The following PGR variants were observed in gnomAD, a reference collection of about 807,000 sequenced individuals.
PGR encodes the protein progesterone receptor.
In PGR, 25 loss-of-function variants were observed where a neutral mutation model predicts 76.1. That is an observed-to-expected ratio of 0.33 (90% CI 0.24 to 0.46). The LOEUF is 0.46. Ranked by LOEUF, PGR falls within the 20% of genes least tolerant of loss-of-function variation. The probability of loss-of-function intolerance (pLI) is 1.00; values close to 1 mark genes in which losing one functional copy is unlikely to be tolerated. For missense variants in PGR, 1,172 were observed against 1,225.3 expected, an observed-to-expected ratio of 0.96 and a Z score of 0.65; for synonymous variants, 579 against 535.0, an observed-to-expected ratio of 1.08 and a Z score of -1.14.
At chr11:101,096,204 T>G (rs532704882) in intron 2 of PGR, among the ~76,000 whole-genome samples, 8 of 152,274 alleles carry the variant, frequency 5.3e-5, no homozygotes, top group South Asian at 2.1e-4. Context: ...GGCACTGGCA[T>G]GAAGTCACGA....
intron 2 of PGR, among the ~76,000 whole-genome samples, chr11:101,110,769 G>C (rs1862320798): frequency 6.6e-6 from 1 of 152,128 alleles, no homozygotes; most frequent in Non-Finnish European, 1.5e-5. Flanking sequence ...TTTTGTGAAA[G>C]GAACAGTCTA....
At chr11:101,097,906 A>G (rs1037584940) in intron 2 of PGR, among the ~76,000 whole-genome samples, 1 of 151,294 alleles carries the variant, frequency 6.6e-6, no homozygotes, top group Non-Finnish European at 1.5e-5. Context: ...CCTCCCGAGT[A>G]GCTGGAACTA....
At position 101,129,103 on chromosome 11, in the gene PGR, C is replaced by G. The variant is rs758932726; in HGVS notation, c.-33G>C. ...GGACTCCCCTTTTCTCCTCCCCCGT[C>G]TCCAGGAGGAGGGAAAAGGGAAGGA... On this transcript the variant is annotated 5_prime_UTR_variant, in exon 1 of 8. Coordinates refer to ENST00000325455, the MANE Select transcript of PGR (RefSeq NM_000926.4). 1 of 1,318,040 alleles carries G rather than the reference C, an allele frequency of 7.6e-7. No individual in the cohort carries two copies. Among genetic ancestry groups the G allele is most frequent in the Non-Finnish European group, 9.6e-7 (1 of 1,036,290 alleles). The allele number at this position is 1,318,040 out of a possible 1,614,324, so 81.6% of individuals were successfully genotyped here. A position where few individuals can be genotyped will look rare whatever the true frequency, so the allele number is the denominator to read the frequency against.
chr11:101,129,039 G>C lies in PGR; in HGVS notation c.32C>G (p.Ala11Gly). The change falls in exon 1 of 8, where the codon GCT becomes GGT. Residue 11 changes from alanine to glycine, a missense_variant. Ala to Gly is a moderately conservative substitution (Grantham distance 60). Transcript: ENST00000325455. Reference sequence around the variant, plus strand: ...GGGCGGGCCGCCCGCCACGTGGGGAGCCCGGGGACCCTTTGCCTTCAGCTC... The same window carrying C: ...GGGCGGGCCGCCCGCCACGTGGGGACCCCGGGGACCCTTTGCCTTCAGCTC... MTELKAKGPR[A>G]PHVAGGPPSP... 1 of 1,564,288 alleles carries C rather than the reference G, an allele frequency of 6.4e-7. No homozygotes were observed. The highest frequency in any genetic ancestry group is 1.2e-5 in the South Asian group (1 of 84,938).
At chr11:101,079,447 A>T (rs549744000) in intron 3 of PGR, among the ~76,000 whole-genome samples, 1 of 152,320 alleles carries the variant, frequency 6.6e-6, no homozygotes, top group African/African-American at 2.4e-5. Context: ...TCCCATTTAA[A>T]AATAGGCAAA....
At chr11:101,054,079 T>G (rs1860202261) in intron 4 of PGR, among the ~76,000 whole-genome samples, 1 of 152,216 alleles carries the variant, frequency 6.6e-6, no homozygotes, top group African/African-American at 2.4e-5. Context: ...GGAGGATTTG[T>G]GATGCTTGCT....
chr11:101,072,902 T>C (rs1860991316), intron 3 of PGR, among the ~76,000 whole-genome samples: 1 of 152,110 alleles, frequency 6.6e-6, no homozygotes, highest in South Asian at 2.1e-4. Context: ...CTGTCAATAT[T>C]AGACAGATCA....
rs984765519 is a variant in PGR at position 101,035,102 on chromosome 11, A to T, written c.*4014T>A. 9.6e-6 allele frequency: 2 copies of T among 209,148 alleles called. No homozygotes were observed. The highest frequency in any genetic ancestry group is 4.5e-5 in the African/African-American group (2 of 44,016). 13.0% of individuals were successfully genotyped at this position (209,148 alleles called of 1,614,324 possible). On this transcript the variant is annotated 3_prime_UTR_variant, in exon 8 of 8. Coordinates refer to ENST00000325455, the MANE Select transcript of PGR (RefSeq NM_000926.4). ...AGAGATGTAGAAATTTCCCACATCC[A>T]ATGGCTATTGAACAGGCATACTTTG...
intron 3 of PGR, among the ~76,000 whole-genome samples, chr11:101,082,407 T>C (rs945729411): frequency 5.3e-5 from 8 of 152,258 alleles, no homozygotes; most frequent in African/African-American, 1.4e-4. Context: ...AACTGAGTAA[T>C]GGGCAGAGGT....
intron 7 of PGR, 35 bp from the exon 8 acceptor site, chr11:101,039,306 T>TA (rs750244985): frequency 9.5e-6 from 14 of 1,473,088 alleles, no homozygotes; most frequent in Non-Finnish European, 1.3e-5. Flanking sequence ...AAACATGTAA[T>TA]AAAAATAATA....
intron 3 of PGR, among the ~76,000 whole-genome samples, chr11:101,090,177 G>A (rs546912022): frequency 9.3e-5 from 14 of 150,964 alleles, no homozygotes; most frequent in Non-Finnish European, 1.9e-4. Flanking sequence ...CAGCCTGGGC[G>A]ACAGAGTGAG....
At chr11:101,096,120 A>G (rs560845858) in intron 2 of PGR, among the ~76,000 whole-genome samples, 3 of 152,196 alleles carry the variant, frequency 2.0e-5, no homozygotes, top group Non-Finnish European at 1.5e-5. Flanking sequence ...AATTCTTATA[A>G]GTTTGGAAGA....
chr11:101,129,384 G>T lies in PGR; in HGVS notation c.-314C>A, dbSNP rs898068474. ...CTAACTCGGGGAGTTCTCCAAGAGAGTTCTCCAACTTCTGTCCGAGGACTG... is the reference window on the plus strand; with the variant it reads ...CTAACTCGGGGAGTTCTCCAAGAGATTTCTCCAACTTCTGTCCGAGGACTG... On this transcript the variant is annotated 5_prime_UTR_variant, in exon 1 of 8. Transcript: ENST00000325455. The T allele has an allele frequency of 5.8e-6, 2 of 342,720 alleles. No individual in the cohort carries two copies. Among genetic ancestry groups the T allele is most frequent in the Non-Finnish European group, 1.1e-5 (2 of 188,194 alleles). 21.2% of individuals were successfully genotyped at this position (342,720 alleles called of 1,614,324 possible).
chr11:101,048,641 T>G (rs1159832728), intron 6 of PGR, among the ~76,000 whole-genome samples: 1 of 152,138 alleles, frequency 6.6e-6, no homozygotes, highest in East Asian at 1.9e-4. Context: ...TTAACATGAA[T>G]GGAACTTGCA....
At chr11:101,117,265 T>C (rs973169719) in intron 2 of PGR, among the ~76,000 whole-genome samples, 42 of 152,198 alleles carry the variant, frequency 2.8e-4, no homozygotes, top group African/African-American at 9.4e-4. Context: ...TAATGCTTAT[T>C]AGTGAGTTGA....
chr11:101,085,840 A>C (rs1258032429), intron 3 of PGR, among the ~76,000 whole-genome samples: 6 of 152,152 alleles, frequency 3.9e-5, no homozygotes, highest in Admixed American at 1.3e-4. Flanking sequence ...ACAAACTACA[A>C]TATCTAGAGG....
rs11571167 is a variant in PGR, at chr11:101,104,830, A to C, written c.1790-12954T>G. Reference sequence around the variant, plus strand: ...AATAAATTTTAGGCATATTTTTCCTAAGATAGAATCTGGCTATTACTGATA... The same window carrying C: ...AATAAATTTTAGGCATATTTTTCCTCAGATAGAATCTGGCTATTACTGATA... On this transcript the variant is annotated intron_variant, in intron 2 of 7. Transcript: ENST00000325455. 8.0e-3 allele frequency among the ~76,000 whole-genome samples: 1,222 copies of C among 152,136 alleles called. 16 individuals are homozygous for C. Among genetic ancestry groups the C allele is most frequent in the African/African-American group, 0.026 (1,079 of 41,518 alleles).
intron 2 of PGR, among the ~76,000 whole-genome samples, chr11:101,115,808 T>C (rs1198148083): frequency 2.0e-5 from 3 of 152,024 alleles, no homozygotes; most frequent in Non-Finnish European, 2.9e-5. Flanking sequence ...GAATTGTTTA[T>C]AAAAATTTTC....
intron 4 of PGR, among the ~76,000 whole-genome samples, chr11:101,052,306 TGTG>T (rs1291940675): frequency 3.4e-5 from 5 of 145,806 alleles, no homozygotes; most frequent in African/African-American, 1.3e-4. Context: ...TGTGTGTGTG[TGTG>T]TGTGTGTGTG....
Sources: allele counts gnomAD v4.1 joint callset (sites outside exome capture counted in the v4.1 genomes callset), GRCh38; gene constraint gnomAD v4.1.1; transcripts MANE v1.5; gene names NCBI Gene and HGNC (gene_info 2026-07-23, HGNC 2026-07-21).